ZNF589: variants seen among roughly 807,000 people sequenced by gnomAD.
ZNF589 encodes zinc finger protein 589.
Under a neutral mutation model 13.6 loss-of-function variants are expected in ZNF589, and 17 were observed. The ratio of observed to expected loss-of-function variants is 1.25; its 90% CI spans 0.86 to 1.88. The LOEUF is 1.88. Among genes scored for constraint, ZNF589 ranks in the 40% most tolerant of loss-of-function variants. ZNF589 has a pLI of 0.00. For synonymous variants in ZNF589, 148 were observed against 161.6 expected, an observed-to-expected ratio of 0.92 and a Z score of 0.64; for missense variants, 407 against 434.0, an observed-to-expected ratio of 0.94 and a Z score of 0.55.
chr3:48,252,544 CTT>C (rs551610064), intron 2 of ZNF589, among the ~76,000 whole-genome samples: 139 of 145,670 alleles, frequency 9.5e-4, no homozygotes, highest in African/African-American at 3.4e-3. Flanking sequence ...AATTGAAAGT[CTT>C]ATCAATTTGT....
At chr3:48,245,630 A>G (rs1559979163) in intron 1 of ZNF589, among the ~76,000 whole-genome samples, 1 of 152,162 alleles carries the variant, frequency 6.6e-6, no homozygotes, top group African/African-American at 2.4e-5. Flanking sequence ...TCAGAAAAAC[A>G]TTCTTCTTTC....
At chr3:48,257,706 A>G (rs960070467) in intron 2 of ZNF589, among the ~76,000 whole-genome samples, 2 of 151,200 alleles carry the variant, frequency 1.3e-5, no homozygotes, top group African/African-American at 4.9e-5. Context: ...TAAATTCGTG[A>G]TTCATTTTGA....
chr3:48,253,724 G>C (rs1218803119), intron 2 of ZNF589, among the ~76,000 whole-genome samples: 1 of 151,218 alleles, frequency 6.6e-6, no homozygotes. Flanking sequence ...GGATGGTCTC[G>C]ATCTCCTGAC....
intron 2 of ZNF589, among the ~76,000 whole-genome samples, chr3:48,255,166 A>G (rs2033884336): frequency 6.6e-6 from 1 of 151,110 alleles, no homozygotes; most frequent in African/African-American, 2.4e-5. Context: ...TAGTTTGCTG[A>G]GAGCTATTAC....
chr3:48,241,126 C>T lies in ZNF589; in HGVS notation c.-46C>T. On this transcript the variant is annotated 5_prime_UTR_variant, in exon 1 of 4. Coordinates refer to ENST00000354698, the MANE Select transcript of ZNF589 (RefSeq NM_016089.3). ...GGTGCGCATTCTAATCCGTTTCACA[C>T]ACGGTGCTGCTACCTCGTTTGCTTC... 6.2e-7 allele frequency: 1 copy of T among 1,612,188 alleles called. No homozygotes were observed. The highest frequency in any genetic ancestry group is 8.5e-7 in the Non-Finnish European group (1 of 1,179,030).
chr3:48,270,656 A>C lies in ZNF589; in HGVS notation c.*1870A>C, dbSNP rs1458386781. 3 of 191,928 alleles carry C rather than the reference A, an allele frequency of 1.6e-5. No individual in the cohort carries two copies. The highest frequency in any genetic ancestry group is 7.0e-5 in the African/African-American group (3 of 42,984). The allele number at this position is 191,928 out of a possible 1,614,324, so 11.9% of individuals were successfully genotyped here. On this transcript the variant is annotated 3_prime_UTR_variant, in exon 4 of 4. Transcript: ENST00000354698. ...CAGGCCCCAGTGCCTCTATTTGCTA[A>C]GGGACTCTGCCACAGAAAAGAAGGG...
chr3:48,247,747 T>G, intron 2 of ZNF589, 70 bp downstream of exon 2: 1 of 1,561,450 alleles, frequency 6.4e-7, no homozygotes, highest in Non-Finnish European at 8.8e-7. Context: ...TCATCTGTCT[T>G]TCTTGGGAAG....
chr3:48,269,595 CG>C lies in ZNF589; in HGVS notation c.*814del, dbSNP rs368247033. On this transcript the variant is annotated 3_prime_UTR_variant, in exon 4 of 4. Transcript: ENST00000354698. Reference sequence around the variant, plus strand: ...CTCAGCTTACATCAGAGGATACACTCGGGGGAGAAGCCTTATGCATGCGTGG... The same window carrying C: ...CTCAGCTTACATCAGAGGATACACTCGGGGAGAAGCCTTATGCATGCGTGG... 8.9e-6 allele frequency: 3 copies of C among 338,880 alleles called. No homozygotes were observed. Among genetic ancestry groups the C allele is most frequent in the Non-Finnish European group, 1.7e-5 (3 of 172,456 alleles). 21.0% of individuals were successfully genotyped at this position (338,880 alleles called of 1,614,324 possible). A position where few individuals can be genotyped will look rare whatever the true frequency, so the allele number is the denominator to read the frequency against.
At position 48,268,468 on chromosome 3, in the gene ZNF589, G is replaced by A. The variant is rs750761132; in HGVS notation, c.777G>A (p.Arg259=). The A allele has an allele frequency of 6.8e-6, 11 of 1,608,180 alleles. No individual in the cohort carries two copies. The highest frequency in any genetic ancestry group is 6.8e-6 in the Non-Finnish European group (8 of 1,177,964). Residue 259 remains arginine (R), a synonymous_variant, in exon 4 of 4, where the codon AGG becomes AGA. Transcript: ENST00000354698. ...VCRECGRGFS[R]KSQLIIHQRT... is the part of the protein sequence containing the mutation. The stretch of plus-strand genomic sequence containing the variant: ...GGGAGTGTGGGCGAGGCTTTAGCAG[G>A]AAGTCACAGCTCATCATACACCAGA...
chr3:48,269,085 C>A lies in ZNF589; in HGVS notation c.*299C>A. The A allele has an allele frequency of 1.5e-6, 1 of 653,280 alleles. No individual in the cohort carries two copies. The highest frequency in any genetic ancestry group is 2.7e-6 in the Non-Finnish European group (1 of 374,500). The allele number at this position is 653,280 out of a possible 1,614,324, so 40.5% of individuals were successfully genotyped here. On this transcript the variant is annotated 3_prime_UTR_variant, in exon 4 of 4. Coordinates refer to ENST00000354698, the MANE Select transcript of ZNF589 (RefSeq NM_016089.3). The stretch of plus-strand genomic sequence containing the variant: ...ATAGTCCTCAATGGACACTGGAGGA[C>A]ACACACGGGAGAGAAGCCTTACACG...
At chr3:48,260,511 T>C (rs964231471) in intron 2 of ZNF589, among the ~76,000 whole-genome samples, 1 of 152,050 alleles carries the variant, frequency 6.6e-6, no homozygotes, top group African/African-American at 2.4e-5. Context: ...CAGGTTCAAG[T>C]GATTCTCCTG....
chr3:48,252,432 C>T (rs1192237634), intron 2 of ZNF589, among the ~76,000 whole-genome samples: 1 of 151,596 alleles, frequency 6.6e-6, no homozygotes, highest in Non-Finnish European at 1.5e-5. Context: ...ACCTTGTGAT[C>T]CACCCGCCTC....
intron 1 of ZNF589, among the ~76,000 whole-genome samples, chr3:48,242,917 A>C (rs1366068299): frequency 1.3e-5 from 2 of 151,324 alleles, no homozygotes; most frequent in Non-Finnish European, 2.9e-5. Flanking sequence ...AAATAAAATA[A>C]AATAAAATAA....
intron 2 of ZNF589, among the ~76,000 whole-genome samples, chr3:48,248,872 C>G (rs1263078863): frequency 2.6e-5 from 4 of 152,070 alleles, no homozygotes; most frequent in African/African-American, 9.7e-5. Flanking sequence ...TACTTTAACC[C>G]TGCATTAAAT....
At chr3:48,247,579 G>T in intron 1 of ZNF589, 46 bp from the exon 2 acceptor site, 1 of 1,607,934 alleles carries the variant, frequency 6.2e-7, no homozygotes. Context: ...CCTCATGATG[G>T]GCCTGGTAGG....
intron 2 of ZNF589, among the ~76,000 whole-genome samples, chr3:48,252,318 A>G (rs575561034): frequency 2.8e-4 from 42 of 151,800 alleles, no homozygotes; most frequent in African/African-American, 9.9e-4. Flanking sequence ...CAGCCTCCCT[A>G]GTAGCTGGAA....
chr3:48,270,341 A>C lies in ZNF589; in HGVS notation c.*1555A>C. ...ACATAGCCACGCCACCTTGGCCTTCAATGACAGGGATCTAGCAATGCTGCA... is the reference window on the plus strand; with the variant it reads ...ACATAGCCACGCCACCTTGGCCTTCCATGACAGGGATCTAGCAATGCTGCA... On this transcript the variant is annotated 3_prime_UTR_variant, in exon 4 of 4. Transcript: ENST00000354698. 1 of 412,380 alleles carries C rather than the reference A, an allele frequency of 2.4e-6. No homozygotes were observed. The highest frequency in any genetic ancestry group is 1.8e-5 in the South Asian group (1 of 56,710). 25.5% of individuals were successfully genotyped at this position (412,380 alleles called of 1,614,324 possible). A position where few individuals can be genotyped will look rare whatever the true frequency, so the allele number is the denominator to read the frequency against.
intron 1 of ZNF589, among the ~76,000 whole-genome samples, chr3:48,245,668 C>A (rs1217787879): frequency 6.6e-6 from 1 of 152,178 alleles, no homozygotes; most frequent in South Asian, 2.1e-4. Context: ...GAAGAGAAGG[C>A]TGGGCGCGGT....
chr3:48,267,339 C>T (rs925638031), intron 3 of ZNF589, among the ~76,000 whole-genome samples: 1 of 152,118 alleles, frequency 6.6e-6, no homozygotes, highest in Non-Finnish European at 1.5e-5. Flanking sequence ...TTTTGTAATC[C>T]AGGAGGCCAG....
Sources: gnomAD v4.1 joint callset for allele counts (sites outside exome capture counted in the v4.1 genomes callset) on GRCh38, gnomAD v4.1.1 for gene constraint, MANE v1.5 for transcripts, NCBI Gene and HGNC (gene_info 2026-07-23, HGNC 2026-07-21) for gene names.